Variants in HIBCH observed in about 807,000 individuals in gnomAD.
HIBCH encodes the protein 3-hydroxyisobutyryl-CoA hydrolase, also known as 3-hydroxyisobutyryl-CoA hydrolase, mitochondrial.
Under a neutral mutation model 58.2 loss-of-function variants are expected in HIBCH, and 50 were observed. The ratio of observed to expected loss-of-function variants is 0.86; its 90% confidence interval spans 0.68 to 1.09. The LOEUF (loss-of-function observed/expected upper bound fraction) is 1.09. Ranked by LOEUF, HIBCH falls within the 50% of genes least tolerant of loss-of-function variation. The pLI is 0.00. For synonymous variants in HIBCH, 151 were observed against 146.9 expected (o/e 1.03, Z -0.20); for missense variants, 450 against 449.7 (o/e 1.00, Z -0.01).
At chr2:190,310,036 A>G (rs146467109) in intron 2 of HIBCH, among the ~76,000 whole-genome samples, 2,542 of 152,298 alleles carry the variant, frequency 0.017, 36 homozygotes, top group Non-Finnish European at 0.026. Flanking sequence ...GAATAAAAGC[A>G]GGCAGAAGTT....
At chr2:190,261,991 A>G (rs1687098821) in intron 6 of HIBCH, among the ~76,000 whole-genome samples, 1 of 152,136 alleles carries the variant, frequency 6.6e-6, no homozygotes, top group African/African-American at 2.4e-5. Flanking sequence ...CTGGGGAGCA[A>G]AGAGGCAGGG....
chr2:190,236,716 C>CA lies in HIBCH; in HGVS notation c.891+8170dup, dbSNP rs906770099. On this transcript the variant is annotated intron_variant, in intron 11 of 13. Transcript: ENST00000359678. The surrounding 1 kb of genome is among the most constrained non-coding windows in gnomAD (Gnocchi z 4.1). ...TACAATAAAAGGCTTAGAGCCAGTG[C>CA]AAGAAGGCTGCCTTTTGCAACCTGA... Among the ~76,000 whole-genome samples the CA allele has an allele frequency of 1.3e-5, 2 of 152,140 alleles. No homozygotes were observed. Among genetic ancestry groups the CA allele is most frequent in the Non-Finnish European group, 2.9e-5 (2 of 68,002 alleles).
intron 11 of HIBCH, among the ~76,000 whole-genome samples, chr2:190,223,615 G>A (rs947396057): frequency 3.3e-5 from 5 of 152,200 alleles, no homozygotes; most frequent in African/African-American, 7.2e-5. Flanking sequence ...CTCAAAGAGG[G>A]AGAAAATTAA....
At chr2:190,287,478 A>G in intron 6 of HIBCH, 108 bp downstream of exon 6, 4 of 772,344 alleles carry the variant, frequency 5.2e-6, no homozygotes, top group South Asian at 4.7e-5. Context: ...ATTATGTTTC[A>G]ATGAGTTCTA....
chr2:190,316,194 G>A (rs916023029), intron 1 of HIBCH, among the ~76,000 whole-genome samples: 4 of 152,056 alleles, frequency 2.6e-5, no homozygotes, highest in Middle Eastern at 3.2e-3. Context: ...ACCCAGGCTG[G>A]AGTGCAGTGG....
intron 11 of HIBCH, among the ~76,000 whole-genome samples, chr2:190,219,330 G>T (rs1685649897): frequency 6.6e-6 from 1 of 152,118 alleles, no homozygotes; most frequent in Non-Finnish European, 1.5e-5. Flanking sequence ...CGTATACCAT[G>T]GTTCATTTCC....
chr2:190,287,195 G>A (rs1687852025), intron 6 of HIBCH, among the ~76,000 whole-genome samples: 1 of 152,084 alleles, frequency 6.6e-6, no homozygotes, highest in Admixed American at 6.5e-5. Context: ...CTGAGTAGCT[G>A]AGATCACAGG....
chr2:190,199,827 G>A (rs774066496), downstream of HIBCH: 3 of 1,602,360 alleles, frequency 1.9e-6, no homozygotes, highest in South Asian at 1.1e-5. Context: ...AGTAGTCTTT[G>A]CCACTGCTTC....
At chr2:190,288,302 T>G (rs796820660) in intron 5 of HIBCH, among the ~76,000 whole-genome samples, 35 of 151,582 alleles carry the variant, frequency 2.3e-4, no homozygotes, top group African/African-American at 7.8e-4. Context: ...TTTGTGAAAC[T>G]AGATAAAACA....
At chr2:190,275,339 T>G (rs1401269708) in intron 6 of HIBCH, among the ~76,000 whole-genome samples, 2 of 152,202 alleles carry the variant, frequency 1.3e-5, no homozygotes, top group Admixed American at 1.3e-4. Context: ...TCTACTTAAT[T>G]TTATATTTAA....
At chr2:190,231,747 GAGGAGAAGAAA>G (rs1575709466) in intron 11 of HIBCH, among the ~76,000 whole-genome samples, 1 of 151,910 alleles carries the variant, frequency 6.6e-6, no homozygotes, top group Non-Finnish European at 1.5e-5. Flanking sequence ...GAGAGAGGGA[GAGGAGAAGAAA>G]AGGAGAAGAA....
At chr2:190,263,251 C>T (rs1687143020) in intron 6 of HIBCH, among the ~76,000 whole-genome samples, 1 of 152,090 alleles carries the variant, frequency 6.6e-6, no homozygotes, top group African/African-American at 2.4e-5. Flanking sequence ...TCCAACTCTC[C>T]TCAAATCTCT....
Position 190,214,806 on chromosome 2 carries a change from TC to T in HIBCH, c.892-1732del, listed in dbSNP as rs1295282593. 6.6e-6 allele frequency: 1 copy of T among 152,004 alleles called. No homozygotes were observed. Among genetic ancestry groups the T allele is most frequent in the Non-Finnish European group, 1.5e-5 (1 of 68,048 alleles). The allele number at this position is 152,004 out of a possible 1,614,324, so 9.4% of individuals were successfully genotyped here. On this transcript the variant is annotated intron_variant, in intron 11 of 13. Transcript: ENST00000359678. The surrounding 1 kb of genome is among the most constrained non-coding windows in gnomAD (Gnocchi z 5.5). Reference sequence around the variant, plus strand: ...TCTCACAAGGTAGAGGACAGGGAGATCGGGGGCAAGAGGAAGGTCGAGGAAA... The same window carrying T: ...TCTCACAAGGTAGAGGACAGGGAGATGGGGGCAAGAGGAAGGTCGAGGAAA...
intron 1 of HIBCH, among the ~76,000 whole-genome samples, chr2:190,191,316 T>C (rs1292824465): frequency 1.3e-5 from 2 of 152,138 alleles, no homozygotes; most frequent in Non-Finnish European, 2.9e-5. Flanking sequence ...CTAACTTTCT[T>C]GTATTTTCAG....
intron 2 of HIBCH, among the ~76,000 whole-genome samples, chr2:190,301,161 G>A (rs927695359): frequency 6.6e-6 from 1 of 152,214 alleles, no homozygotes; most frequent in African/African-American, 2.4e-5. Flanking sequence ...TGGAGCCAGA[G>A]GTGCTGGCTC....
intron 11 of HIBCH, 84 bp from the exon 12 acceptor site, chr2:190,213,159 A>G: frequency 8.9e-7 from 1 of 1,118,296 alleles, no homozygotes; most frequent in East Asian, 2.4e-5. Context: ...TATGTAAATA[A>G]TATTAAAATA....
At chr2:190,196,419 T>C (rs1689978400) in intron 1 of HIBCH, among the ~76,000 whole-genome samples, 1 of 152,126 alleles carries the variant, frequency 6.6e-6, no homozygotes, top group South Asian at 2.1e-4. Context: ...TCCATTTCTC[T>C]GAGATTCTTT....
In HIBCH at chr2:190,197,141, C is replaced by T. The variant is rs1045285684; in HGVS notation, c.*18-7144G>A. ...CACCCAAAGGCCCCACCTCCAAATA[C>T]CATCACGTTGGGGATTAGGTTTCAA... On this transcript the variant is annotated intron_variant, in intron 1 of 1. Transcript: ENST00000399855. The surrounding 1 kb of genome is among the most constrained non-coding windows in gnomAD (Gnocchi z 4.0). 2.6e-5 allele frequency among the ~76,000 whole-genome samples: 4 copies of T among 152,160 alleles called. No homozygotes were observed. The highest frequency in any genetic ancestry group is 9.7e-5 in the African/African-American group (4 of 41,438).
At chr2:190,257,778 C>G (rs1686969218) in intron 7 of HIBCH, among the ~76,000 whole-genome samples, 1 of 152,024 alleles carries the variant, frequency 6.6e-6, no homozygotes, top group Admixed American at 6.6e-5. Flanking sequence ...TGAGACAGGA[C>G]AAGAGAGCAG....
Sources: gnomAD v4.1 joint callset for allele counts (sites outside exome capture counted in the v4.1 genomes callset) on GRCh38, gnomAD v4.1.1 for gene constraint, Gnocchi (gnomAD v3.1) non-coding constraint, MANE v1.5 for transcripts, NCBI Gene and HGNC (gene_info 2026-07-23, HGNC 2026-07-21) for gene names.